Variants in HEATR4 observed in about 807,000 individuals in gnomAD.
HEATR4 encodes the protein HEAT repeat containing 4.
In HEATR4, 95 loss-of-function variants were observed where a neutral mutation model predicts 108.8. The ratio of observed to expected loss-of-function variants is 0.87; its 90% confidence interval spans 0.74 to 1.04. HEATR4 has a LOEUF of 1.04. Ranked by LOEUF, HEATR4 falls within the 50% of genes least tolerant of loss-of-function variation. The pLI is 0.00. For missense variants in HEATR4, 1,152 were observed against 1,253.8 expected (o/e 0.92, Z 1.23); for synonymous variants, 443 against 459.4 (o/e 0.96, Z 0.46).
the HEATR4 span, among the ~76,000 whole-genome samples, chr14:73,613,988 AAGACCAGC>A: frequency 2.1e-5 from 3 of 145,782 alleles, no homozygotes; most frequent in Non-Finnish European, 4.5e-5. Flanking sequence ...CCAGGAGTTC[AAGACCAGC>A]CTGGGCAACA....
chr14:73,606,962 G>A, the HEATR4 span, among the ~76,000 whole-genome samples: 7 of 152,186 alleles, frequency 4.6e-5, no homozygotes, highest in African/African-American at 1.7e-4. Flanking sequence ...ACTGGAAGGT[G>A]GAGACCAAGA....
At chr14:73,562,023 G>C (rs993551539), upstream of HEATR4, among the ~76,000 whole-genome samples, 21 of 152,018 alleles carry the variant, frequency 1.4e-4, no homozygotes, top group Admixed American at 3.9e-4. Flanking sequence ...ATATGGATGA[G>C]CCTTGAAGAC....
the HEATR4 span, among the ~76,000 whole-genome samples, chr14:73,622,465 C>T: frequency 6.6e-6 from 1 of 152,068 alleles, no homozygotes; most frequent in Non-Finnish European, 1.5e-5. Flanking sequence ...TTCAGTGGTG[C>T]GATCTCGGCT....
At chr14:73,579,342 C>T in the HEATR4 span, among the ~76,000 whole-genome samples, 3 of 145,722 alleles carry the variant, frequency 2.1e-5, no homozygotes, top group Non-Finnish European at 4.5e-5. Flanking sequence ...TTTGAGAGGC[C>T]AAGGCGAGGG....
the HEATR4 span, among the ~76,000 whole-genome samples, chr14:73,589,426 TCTC>T: frequency 2.6e-5 from 4 of 152,224 alleles, no homozygotes; most frequent in East Asian, 7.7e-4. Context: ...TTCAAGCAAT[TCTC>T]CTGCCTCAGC....
intron 11 of HEATR4, among the ~76,000 whole-genome samples, 159 bp from the exon 12 acceptor site, chr14:73,500,889 A>G (rs990734768): frequency 6.6e-6 from 1 of 152,140 alleles, no homozygotes; most frequent in Non-Finnish European, 1.5e-5. Context: ...ACAGAGCTCG[A>G]TTGTCTTCTT....
intron 17 of HEATR4, among the ~76,000 whole-genome samples, chr14:73,480,247 GC>G (rs1885196014): frequency 6.6e-6 from 1 of 152,054 alleles, no homozygotes; most frequent in African/African-American, 2.4e-5. Flanking sequence ...TTCAAGACCA[GC>G]CTGGCCAACA....
At chr14:73,520,372 A>G (rs1330442203) in intron 4 of HEATR4, 1 of 153,804 alleles carries the variant, frequency 6.5e-6, no homozygotes, top group African/African-American at 2.4e-5. Context: ...CTTCACAAAT[A>G]AGGTACTTGT....
chr14:73,547,206 C>T lies in HEATR4; in HGVS notation c.-152+11545G>A, dbSNP rs186096019. Among the ~76,000 whole-genome samples the T allele has an allele frequency of 4.1e-4, 47 of 113,464 alleles. 15 individuals carry two copies. In the East Asian group the frequency reaches 0.022, roughly 53 times the overall value. 74.4% of individuals were successfully genotyped at this position (113,464 alleles called of 152,430 possible). ...GACCAGCCAGGCCAACATGGTAAAA[C>T]GCCATCTCTACTGAAAATACAAGTA... On this transcript the variant is annotated intron_variant, in intron 1 of 17. Coordinates refer to ENST00000553558, the MANE Select transcript of HEATR4 (RefSeq NM_001220484.1).
At chr14:73,517,349 T>C (rs1887668318) in intron 5 of HEATR4, 1 of 152,136 alleles carries the variant, frequency 6.6e-6, no homozygotes, top group Non-Finnish European at 1.5e-5. Context: ...AATTTTATAG[T>C]ATGTAAATTC....
the HEATR4 span, among the ~76,000 whole-genome samples, chr14:73,587,028 T>A: frequency 6.6e-6 from 1 of 152,134 alleles, no homozygotes. Context: ...TTCAATTATT[T>A]GTTTGTATTT....
At chr14:73,574,338 C>G in the HEATR4 span, 1 of 163,096 alleles carries the variant, frequency 6.1e-6, no homozygotes, top group South Asian at 1.5e-4. Flanking sequence ...GATCTCGGCT[C>G]ACTGCAAACT....
chr14:73,515,667 A>C (rs1015074930), intron 5 of HEATR4, among the ~76,000 whole-genome samples: 15 of 98,482 alleles, frequency 1.5e-4, no homozygotes, highest in African/African-American at 6.3e-4. Flanking sequence ...GCGAGACTCC[A>C]TCTCAAAAAA....
chr14:73,526,216 G>A (rs913012011), intron 2 of HEATR4, among the ~76,000 whole-genome samples: 1 of 152,196 alleles, frequency 6.6e-6, no homozygotes, highest in Non-Finnish European at 1.5e-5. Context: ...GCAGAATTCT[G>A]CTGGCACCCA....
the HEATR4 span, among the ~76,000 whole-genome samples, chr14:73,593,051 G>C: frequency 1.3e-5 from 2 of 152,130 alleles, no homozygotes; most frequent in Non-Finnish European, 1.5e-5. Context: ...ACAGGCATCA[G>C]CCTGACTTGT....
chr14:73,626,790 T>C, the HEATR4 span, among the ~76,000 whole-genome samples: 23 of 57,288 alleles, frequency 4.0e-4, 1 homozygote, highest in Non-Finnish European at 5.8e-5. Flanking sequence ...ACAAACAGCC[T>C]TTTTTTTTTT....
upstream of HEATR4, among the ~76,000 whole-genome samples, chr14:73,563,718 T>G (rs1463642136): frequency 6.6e-6 from 1 of 151,974 alleles, no homozygotes; most frequent in Non-Finnish European, 1.5e-5. Context: ...ATTCTAGCGC[T>G]TTGGGAGGCC....
the HEATR4 span, among the ~76,000 whole-genome samples, chr14:73,589,157 TATA>T: frequency 7.7e-4 from 118 of 152,310 alleles, no homozygotes; most frequent in African/African-American, 2.6e-3. Context: ...TGGACAAATG[TATA>T]ATGACATGTA....
At chr14:73,493,042 A>G (rs936131091) in intron 17 of HEATR4, 24 bp downstream of exon 17, 20 of 1,594,526 alleles carry the variant, frequency 1.3e-5, no homozygotes, top group Non-Finnish European at 1.6e-5. Flanking sequence ...TTACCTTGAT[A>G]AGCATCAGTG....
Sources: gnomAD v4.1 joint callset for allele counts (sites outside exome capture counted in the v4.1 genomes callset) on GRCh38, gnomAD v4.1.1 for gene constraint, MANE v1.5 for transcripts, NCBI Gene and HGNC (gene_info 2026-07-23, HGNC 2026-07-21) for gene names.